Variants in NOX4 observed in about 807,000 individuals in gnomAD.
NOX4 encodes the protein kidney oxidase-1.
NOX4 carries 69 observed loss-of-function variants against 87.6 expected under a neutral mutation model. That is an observed-to-expected ratio of 0.79 (90% CI 0.65 to 0.96). The LOEUF (loss-of-function observed/expected upper bound fraction) is 0.96, where lower values mean the gene tolerates loss of function less well. Ranked by LOEUF, NOX4 falls within the 40% of genes least tolerant of loss-of-function variation. NOX4 has a pLI of 0.00. For synonymous variants in NOX4, 275 were observed against 238.2 expected, an observed-to-expected ratio of 1.15 and a Z score of -1.42; for missense variants, 680 against 681.5, an observed-to-expected ratio of 1.00 and a Z score of 0.02.
At chr11:89,382,246 CCTT>C (rs1458494851) in intron 11 of NOX4, among the ~76,000 whole-genome samples, 1 of 151,982 alleles carries the variant, frequency 6.6e-6, no homozygotes, top group Non-Finnish European at 1.5e-5. Flanking sequence ...CTTCATTCCT[CCTT>C]CTTCTCCCTT....
chr11:89,421,182 CTTA>C (rs1365962024), intron 8 of NOX4, among the ~76,000 whole-genome samples: 1 of 152,160 alleles, frequency 6.6e-6, no homozygotes, highest in African/African-American at 2.4e-5. Context: ...TGCTGCCAGA[CTTA>C]TTATGTCATG....
intron 6 of NOX4, among the ~76,000 whole-genome samples, chr11:89,440,358 C>T (rs1420235549): frequency 2.6e-5 from 4 of 151,984 alleles, no homozygotes; most frequent in East Asian, 1.9e-4. Flanking sequence ...TACTCTGTCA[C>T]GCCCAGGCTG....
At chr11:89,482,685 A>G (rs948026143) in intron 2 of NOX4, among the ~76,000 whole-genome samples, 10 of 152,118 alleles carry the variant, frequency 6.6e-5, no homozygotes, top group African/African-American at 2.4e-4. Flanking sequence ...CTAACAGAGT[A>G]GGTATTAGTT....
At chr11:89,473,745 A>T (rs751953192) in intron 2 of NOX4, among the ~76,000 whole-genome samples, 3 of 152,268 alleles carry the variant, frequency 2.0e-5, no homozygotes, top group Admixed American at 2.0e-4. Flanking sequence ...TAGCAATCTT[A>T]GCTAACTCGG....
chr11:89,565,768 A>G, the NOX4 span, among the ~76,000 whole-genome samples: 5 of 152,140 alleles, frequency 3.3e-5, no homozygotes, highest in East Asian at 5.8e-4. Flanking sequence ...ACTTTGCTAA[A>G]TACTGTACCA....
At chr11:89,410,047 C>A (rs1472480417) in intron 8 of NOX4, among the ~76,000 whole-genome samples, 2 of 145,086 alleles carry the variant, frequency 1.4e-5, no homozygotes, top group African/African-American at 5.3e-5. Flanking sequence ...CACAGAAAGA[C>A]CATGTCTCAA....
the NOX4 span, among the ~76,000 whole-genome samples, chr11:89,576,623 C>A: frequency 1.3e-5 from 2 of 152,258 alleles, no homozygotes; most frequent in South Asian, 2.1e-4. Context: ...CAAGGGGACA[C>A]AATCCAGCTT....
chr11:89,330,278 A>T (rs1294149534), intron 17 of NOX4, among the ~76,000 whole-genome samples: 2 of 152,010 alleles, frequency 1.3e-5, no homozygotes, highest in African/African-American at 4.8e-5. Flanking sequence ...GAGCCCAGGA[A>T]TTCAAGGTTG....
intron 2 of NOX4, among the ~76,000 whole-genome samples, chr11:89,477,838 C>CA (rs1946231514): frequency 1.3e-5 from 2 of 152,140 alleles, no homozygotes; most frequent in East Asian, 3.9e-4. Context: ...AATTGGAAAA[C>CA]AATTAACTGT....
At chr11:89,526,857 G>T in the NOX4 span, among the ~76,000 whole-genome samples, 3 of 152,176 alleles carry the variant, frequency 2.0e-5, no homozygotes, top group South Asian at 6.2e-4. Context: ...AGAGTGGGGT[G>T]TTGCTATAAA....
intron 11 of NOX4, among the ~76,000 whole-genome samples, chr11:89,399,432 A>AATATAT (rs1208007737): frequency 0.044 from 3,296 of 74,796 alleles, 79 homozygotes; most frequent in Admixed American, 0.053. Context: ...CAAGAAATTA[A>AATATAT]ATATATATAT....
chr11:89,390,302 T>TG (rs776707275), intron 11 of NOX4, among the ~76,000 whole-genome samples: 1 of 152,164 alleles, frequency 6.6e-6, no homozygotes, highest in Admixed American at 6.6e-5. Context: ...AAAACTCCCT[T>TG]GGGGGATAGT....
chr11:89,344,030 A>G (rs1278576608), intron 13 of NOX4, among the ~76,000 whole-genome samples: 16 of 151,622 alleles, frequency 1.1e-4, no homozygotes, highest in Admixed American at 1.1e-3. Flanking sequence ...TTTCTGTTTT[A>G]TGTGGCTGAA....
At chr11:89,490,999 T>G in intron 1 of NOX4, 191 bp downstream of exon 1, 4 of 722,618 alleles carry the variant, frequency 5.5e-6, no homozygotes, top group Non-Finnish European at 1.0e-5. Context: ...TCTCATGCAT[T>G]TGGGGGACAG....
At chr11:89,585,827 C>A in the NOX4 span, among the ~76,000 whole-genome samples, 1 of 152,210 alleles carries the variant, frequency 6.6e-6, no homozygotes, top group Non-Finnish European at 1.5e-5. Flanking sequence ...TTCTTGGTCA[C>A]TCCTGAACAT....
chr11:89,339,942 C>T (rs1168099988), intron 15 of NOX4, 121 bp downstream of exon 15: 4 of 507,158 alleles, frequency 7.9e-6, no homozygotes, highest in South Asian at 8.0e-5. Flanking sequence ...TCTTTCCTTG[C>T]TACTTATCTG....
At chr11:89,553,098 A>G in the NOX4 span, among the ~76,000 whole-genome samples, 1 of 152,128 alleles carries the variant, frequency 6.6e-6, no homozygotes, top group Non-Finnish European at 1.5e-5. Context: ...TTTACCCCAC[A>G]CAGGGTCCTA....
chr11:89,447,320 A>G (rs1018283263), intron 4 of NOX4, among the ~76,000 whole-genome samples: 2 of 152,208 alleles, frequency 1.3e-5, no homozygotes, highest in African/African-American at 2.4e-5. Flanking sequence ...AAAGTCATCT[A>G]TAGAAGAATT....
the NOX4 span, among the ~76,000 whole-genome samples, chr11:89,512,199 C>T: frequency 1.3e-5 from 2 of 151,982 alleles, no homozygotes; most frequent in African/African-American, 4.8e-5. Context: ...CATGGAACTA[C>T]GAACCACAAT....
Sources: allele counts gnomAD v4.1 joint callset (sites outside exome capture counted in the v4.1 genomes callset), GRCh38; gene constraint gnomAD v4.1.1; transcripts MANE v1.5; gene names NCBI Gene and HGNC (gene_info 2026-07-23, HGNC 2026-07-21).